NPHP3: variants seen among roughly 807,000 people sequenced by gnomAD.
NPHP3 encodes nephrocystin 3.
NPHP3 carries 123 observed loss-of-function variants against 171.9 expected under a neutral mutation model. The ratio of observed to expected loss-of-function variants is 0.72; its 90% CI spans 0.62 to 0.83. NPHP3 has a LOEUF of 0.83. NPHP3 is among the 40% of genes least tolerant of loss of function. The pLI, the probability that NPHP3 is intolerant of heterozygous loss-of-function variation, is 0.00. For missense variants in NPHP3, 1,506 were observed against 1,591.9 expected (o/e 0.95, Z 0.92); for synonymous variants, 558 against 579.2 (o/e 0.96, Z 0.52).
chr3:132,702,654 C>A (rs1939643235), intron 9 of NPHP3, among the ~76,000 whole-genome samples: 1 of 152,178 alleles, frequency 6.6e-6, no homozygotes, highest in Non-Finnish European at 1.5e-5. Context: ...TAGAATAACA[C>A]AATTCTCCAG....
Position 132,705,805 on chromosome 3 carries a change from G to A in NPHP3, c.1285C>T (p.His429Tyr), listed in dbSNP as rs1939732392. The stretch of plus-strand genomic sequence containing the variant: ...ACTCCTTCTGCAGGATCTCCTGAGT[G>A]ATCAATGATCTAGATAAAAATCATT... ...NKTSKAKIIDHSGDPAEGVYK... is the reference protein window; with the variant it reads ...NKTSKAKIIDYSGDPAEGVYK... The change falls in exon 8 of 27, where the codon CAC (histidine) becomes TAC (tyrosine). Residue 429 changes from histidine (H) to tyrosine (Y), a missense_variant. His to Tyr is a moderately conservative substitution (Grantham distance 83, BLOSUM62 2). This residue lies in a region of NPHP3 where 930 missense variants were observed against 924.9 expected (regional missense o/e 1.01). Transcript: ENST00000337331. 4 of 1,498,670 alleles carry A rather than the reference G, an allele frequency of 2.7e-6. No homozygotes were observed. The highest frequency in any genetic ancestry group is 3.7e-6 in the Non-Finnish European group (4 of 1,077,396). 92.8% of individuals were successfully genotyped at this position (1,498,670 alleles called of 1,614,324 possible).
At chr3:132,711,942 C>T (rs1939921204) in intron 6 of NPHP3, among the ~76,000 whole-genome samples, 1 of 152,180 alleles carries the variant, frequency 6.6e-6, no homozygotes, top group African/African-American at 2.4e-5. Flanking sequence ...TACAGGGAAA[C>T]TGGTGAAACT....
intron 12 of NPHP3, among the ~76,000 whole-genome samples, chr3:132,699,705 T>G (rs928651383): frequency 6.6e-6 from 1 of 152,210 alleles, no homozygotes; most frequent in Non-Finnish European, 1.5e-5. Flanking sequence ...TTGTTAATTG[T>G]GTAAATTCAG....
chr3:132,683,795 A>G (rs1939091845), intron 24 of NPHP3, among the ~76,000 whole-genome samples: 1 of 152,220 alleles, frequency 6.6e-6, no homozygotes, highest in African/African-American at 2.4e-5. Flanking sequence ...CAGCTGAAGT[A>G]GATTTACTAT....
rs1390101086 is a variant in NPHP3, at chr3:132,697,272, C to G, written c.2076G>C (p.Leu692Phe). Residue 692 changes from leucine to phenylalanine, a missense_variant, in exon 14 of 27, where the codon TTG (leucine) becomes TTC (phenylalanine). This residue lies in a region of NPHP3 where 930 missense variants were observed against 924.9 expected (regional missense o/e 1.01). Coordinates refer to ENST00000337331, the MANE Select transcript of NPHP3 (RefSeq NM_153240.5). ...GAAAAATACACACCTGCTCTTTACT[C>G]AATTTAATGTCTACAGAGTGGCATT... ...IAECHSVDIK[L>F]SKEQEKKLER... The G allele has an allele frequency of 6.2e-7, 1 of 1,603,992 alleles. No individual in the cohort carries two copies. Among genetic ancestry groups the G allele is most frequent in the Admixed American group, 1.7e-5 (1 of 60,002 alleles).
At chr3:132,691,168 G>A (rs764377260) in intron 18 of NPHP3, 24 bp downstream of exon 18, 2 of 1,540,574 alleles carry the variant, frequency 1.3e-6, no homozygotes, top group South Asian at 1.1e-5. Flanking sequence ...AGTTACAGAA[G>A]AACAACAGGA....
chr3:132,704,297 ATCT>A lies in NPHP3; in HGVS notation c.1422_1424del (p.Glu474del). On this transcript the variant is annotated inframe_deletion, in exon 9 of 27. Coordinates refer to ENST00000337331, the MANE Select transcript of NPHP3 (RefSeq NM_153240.5). ...TGTCCCACAGAACATCACCAAAATC[ATCT>A]TCTTCTGGAATGGAATCCTCACTGC... The A allele has an allele frequency of 3.1e-6, 5 of 1,614,154 alleles. No homozygotes were observed. Among genetic ancestry groups the A allele is most frequent in the South Asian group, 1.1e-5 (1 of 91,084 alleles).
intron 7 of NPHP3, among the ~76,000 whole-genome samples, chr3:132,706,186 C>T (rs1349290630): frequency 1.3e-5 from 2 of 151,802 alleles, no homozygotes; most frequent in Admixed American, 1.3e-4. Context: ...GGTGAAACCC[C>T]ATCTCTACTA....
In NPHP3 at chr3:132,719,766, T is replaced by C; in HGVS notation, c.458A>G (p.Gln153Arg). The change falls in exon 2 of 27, where the codon CAA becomes CGA. Residue 153 changes from glutamine (Q) to arginine (R), a missense_variant. By Grantham distance (43) the Gln-to-Arg change is conservative (BLOSUM62 1). This residue lies in a region of NPHP3 where 930 missense variants were observed against 924.9 expected (regional missense o/e 1.01). Transcript: ENST00000337331. ...AAATGTTGCTGCTCTCTCCATTGCT[T>C]GGTATTTCGCTTCTAAAGCACTTTC... ...EKESALEAKY[Q>R]AMERAATFEH... The C allele has an allele frequency of 6.2e-7, 1 of 1,604,218 alleles. No individual in the cohort carries two copies. The highest frequency in any genetic ancestry group is 8.5e-7 in the Non-Finnish European group (1 of 1,173,818).
chr3:132,711,561 G>A (rs1034147380), intron 6 of NPHP3, among the ~76,000 whole-genome samples: 2 of 151,860 alleles, frequency 1.3e-5, no homozygotes, highest in Non-Finnish European at 2.9e-5. Context: ...TAAAAAGTAA[G>A]GTTTTTGTTT....
rs374241338 is a variant in NPHP3 at position 132,686,377 on chromosome 3, G to A, written c.3212C>T (p.Ala1071Val). The A allele has an allele frequency of 1.7e-5, 28 of 1,613,858 alleles. No homozygotes were observed. Among genetic ancestry groups the A allele is most frequent in the Admixed American group, 3.3e-5 (2 of 59,990 alleles). ...CTGTAAAGCCCGTCTACGTAAAAGG[G>A]CAAATCCGTACTGCAGCAAACATGA... ...IKKKGNLYGFALLRRRALQLE... is the reference protein window; with the variant it reads ...IKKKGNLYGFVLLRRRALQLE... Residue 1071 changes from alanine (A) to valine (V), a missense_variant, in exon 23 of 27, where the codon GCC becomes GTC. Physicochemically the swap from Ala to Val is moderately conservative, Grantham distance 64. Coordinates refer to ENST00000337331, the MANE Select transcript of NPHP3 (RefSeq NM_153240.5).
Position 132,720,177 on chromosome 3 carries a change from G to T in NPHP3, c.394-347C>A, listed in dbSNP as rs1050452233. 3.3e-5 allele frequency among the ~76,000 whole-genome samples: 5 copies of T among 152,374 alleles called. No homozygotes were observed. The East Asian group carries it at 9.6e-4, about 29-fold the overall frequency. On this transcript the variant is annotated intron_variant, in intron 1 of 26. Coordinates refer to ENST00000337331, the MANE Select transcript of NPHP3 (RefSeq NM_153240.5). ...TAAGGCTTAACTTGAAGGATAAGTA[G>T]TTCTAAGAGACTGTGTGCCTGTTGG... is the stretch of plus-strand genomic sequence containing the variant.
chr3:132,722,062 G>A lies in NPHP3; in HGVS notation c.294C>T (p.Tyr98=). ...AAEYERLRKE[Y]EIFRVSKNQE... is the part of the protein sequence containing the mutation. Reference sequence around the variant, plus strand: ...GGTTCTTGCTGACGCGAAAGATCTCGTACTCCTTCCTGAGCCGCTCGTACT... The same window carrying A: ...GGTTCTTGCTGACGCGAAAGATCTCATACTCCTTCCTGAGCCGCTCGTACT... The change falls in exon 1 of 27, where the codon TAC becomes TAT. Residue 98 remains tyrosine, a synonymous_variant. Coordinates refer to ENST00000337331, the MANE Select transcript of NPHP3 (RefSeq NM_153240.5). The A allele has an allele frequency of 6.2e-7, 1 of 1,612,738 alleles. No individual in the cohort carries two copies. The highest frequency in any genetic ancestry group is 8.5e-7 in the Non-Finnish European group (1 of 1,179,880).
chr3:132,688,949 C>T, intron 20 of NPHP3, 58 bp from the exon 21 acceptor site: 3 of 1,613,036 alleles, frequency 1.9e-6, no homozygotes, highest in Non-Finnish European at 2.5e-6. Flanking sequence ...CAAGATCTGT[C>T]ATCTGATTAA....
At position 132,683,544 on chromosome 3, in the gene NPHP3, T is replaced by G. The variant is rs750627255; in HGVS notation, c.3571-20A>C. 4.4e-5 allele frequency: 70 copies of G among 1,600,522 alleles called. 1 individual carries two copies. The East Asian group carries it at 1.5e-3, about 34-fold the overall frequency. ...TTTCCCCTAAAAAACAAGAGTTAAA[T>G]CTAACAAAAATATAAGGCAATAAAT... On this transcript the variant is annotated intron_variant, in intron 24 of 26. Transcript: ENST00000337331.
At chr3:132,694,789 AAACT>A (rs751511302) in intron 16 of NPHP3, 34 bp downstream of exon 16, 22 of 1,606,724 alleles carry the variant, frequency 1.4e-5, no homozygotes, top group Non-Finnish European at 1.8e-5. Flanking sequence ...CACACAAAGC[AAACT>A]AACATTCCTT....
At chr3:132,709,835 T>C (rs1281523291) in intron 6 of NPHP3, among the ~76,000 whole-genome samples, 1 of 152,240 alleles carries the variant, frequency 6.6e-6, no homozygotes, top group Non-Finnish European at 1.5e-5. Context: ...AGAAGTTTTC[T>C]ATATTAAAAT....
At chr3:132,696,679 C>A in intron 15 of NPHP3, 52 bp downstream of exon 15, 4 of 1,513,904 alleles carry the variant, frequency 2.6e-6, no homozygotes, top group Non-Finnish European at 3.7e-6. Context: ...GAGAAAGGGT[C>A]TGCAGCAAAC....
chr3:132,686,149 C>T (rs1004791367), intron 23 of NPHP3, 111 bp downstream of exon 23: 143 of 1,110,524 alleles, frequency 1.3e-4, no homozygotes, highest in Non-Finnish European at 1.8e-4. Context: ...TGAAATTTTG[C>T]GTGGTTTTTA....
Sources: allele counts gnomAD v4.1 joint callset (sites outside exome capture counted in the v4.1 genomes callset), GRCh38; gene constraint gnomAD v4.1.1; regional missense constraint gnomAD v4.1.1; transcripts MANE v1.5; gene names NCBI Gene and HGNC (gene_info 2026-07-23, HGNC 2026-07-21).